The following MACROD2 variants were observed in gnomAD, a reference collection of about 807,000 sequenced individuals.
The protein encoded by MACROD2 is mono-ADP ribosylhydrolase 2.
MACROD2 carries 36 observed loss-of-function variants against 70.4 expected under a neutral mutation model. That is an observed-to-expected ratio of 0.51 (90% CI 0.39 to 0.68). The LOEUF (loss-of-function observed/expected upper bound fraction) is 0.68. MACROD2 is among the 30% of genes least tolerant of loss of function. The pLI is 0.00. For missense variants in MACROD2, 496 were observed against 538.4 expected (o/e 0.92, Z 0.78); for synonymous variants, 172 against 178.8 (o/e 0.96, Z 0.30).
At chr20:15,958,739 G>T (rs190126011) in intron 12 of MACROD2, among the ~76,000 whole-genome samples, 4 of 152,140 alleles carry the variant, frequency 2.6e-5, no homozygotes, top group African/African-American at 9.7e-5. Context: ...ATGGTATTTG[G>T]GGATAGGACC....
At chr20:15,215,511 AATTG>A (rs1236558750) in intron 5 of MACROD2, among the ~76,000 whole-genome samples, 1 of 152,050 alleles carries the variant, frequency 6.6e-6, no homozygotes, top group Non-Finnish European at 1.5e-5. Flanking sequence ...TCTCCCAAGG[AATTG>A]ATTATTTGCA....
rs187285824 is a variant in MACROD2 at position 15,166,166 on chromosome 20, A to G, written c.419-63774A>G. Reference sequence around the variant, plus strand: ...AATGTTCTAAAACCAGATTGGTTGGACAACCCTGTAAATTTCCTAAAAAAT... The same window carrying G: ...AATGTTCTAAAACCAGATTGGTTGGGCAACCCTGTAAATTTCCTAAAAAAT... On this transcript the variant is annotated intron_variant, in intron 5 of 17. Coordinates refer to ENST00000684519, the MANE Select transcript of MACROD2 (RefSeq NM_001351661.2). Among the ~76,000 whole-genome samples the G allele has an allele frequency of 1.9e-3, 292 of 152,302 alleles. 2 individuals carry two copies. The highest frequency in any genetic ancestry group is 0.014 in the Middle Eastern group (4 of 294).
chr20:14,536,984 T>G (rs868786181), intron 4 of MACROD2, among the ~76,000 whole-genome samples: 5 of 152,214 alleles, frequency 3.3e-5, no homozygotes, highest in African/African-American at 9.6e-5. Context: ...CCTGTCTTTG[T>G]GACTGTAGAT....
At chr20:14,417,929 T>C (rs1443288990) in intron 3 of MACROD2, among the ~76,000 whole-genome samples, 1 of 152,198 alleles carries the variant, frequency 6.6e-6, no homozygotes, top group African/African-American at 2.4e-5. Context: ...ATTTTAGAAA[T>C]TATAATAACA....
chr20:15,444,160 C>T (rs1041763989), intron 7 of MACROD2, among the ~76,000 whole-genome samples: 3 of 152,146 alleles, frequency 2.0e-5, no homozygotes, highest in Non-Finnish European at 4.4e-5. Flanking sequence ...TAAATGGAAT[C>T]ATAAACTATG....
At chr20:14,107,670 T>C (rs3909060) in intron 3 of MACROD2, among the ~76,000 whole-genome samples, 151,305 of 152,272 alleles carry the variant, frequency 0.99, 75,180 homozygotes, top group East Asian at 1. Flanking sequence ...AAATGGCACT[T>C]CAGTACATCT....
At chr20:14,733,244 A>G (rs1932945) in intron 5 of MACROD2, among the ~76,000 whole-genome samples, 104,504 of 151,954 alleles carry the variant, frequency 0.69, 36,042 homozygotes, top group South Asian at 0.73. Context: ...ATCTTTTTTG[A>G]CATTGCATAA....
chr20:15,604,597 C>T (rs2048867724), intron 8 of MACROD2, among the ~76,000 whole-genome samples: 1 of 152,146 alleles, frequency 6.6e-6, no homozygotes, highest in South Asian at 2.1e-4. Flanking sequence ...TAAGTGATAC[C>T]ACAGAATTTG....
intron 2 of MACROD2, among the ~76,000 whole-genome samples, chr20:14,044,710 G>C (rs1422068973): frequency 1.3e-5 from 2 of 152,194 alleles, no homozygotes. Context: ...CAATCCCTTA[G>C]CTAGACATAA....
intron 5 of MACROD2, among the ~76,000 whole-genome samples, chr20:14,967,198 G>A (rs1004106854): frequency 4.6e-5 from 7 of 152,088 alleles, no homozygotes; most frequent in African/African-American, 1.7e-4. Flanking sequence ...AGTTTTGTTT[G>A]TTTGTTTGTT....
intron 5 of MACROD2, among the ~76,000 whole-genome samples, chr20:15,045,622 T>C (rs572620573): frequency 2.6e-4 from 40 of 151,554 alleles, no homozygotes; most frequent in African/African-American, 9.4e-4. Flanking sequence ...AAATACAAGA[T>C]CATAACCATG....
chr20:15,247,703 T>G (rs77237709), intron 6 of MACROD2, among the ~76,000 whole-genome samples: 1 of 144,122 alleles, frequency 6.9e-6, no homozygotes, highest in Non-Finnish European at 1.5e-5. Context: ...CTTTGACAGA[T>G]TTTTTTTTTT....
intron 8 of MACROD2, among the ~76,000 whole-genome samples, chr20:15,706,422 C>T (rs1034561242): frequency 4.6e-5 from 7 of 152,160 alleles, no homozygotes; most frequent in African/African-American, 1.7e-4. Context: ...CTTGGTTACG[C>T]ACTGTGAGAA....
chr20:14,087,559 G>A lies in MACROD2; in HGVS notation c.271+1831G>A, dbSNP rs111623365. Among the ~76,000 whole-genome samples, 317 of 152,190 alleles carry A rather than the reference G, an allele frequency of 2.1e-3. 3 individuals carry two copies. Among genetic ancestry groups the A allele is most frequent in the African/African-American group, 7.0e-3 (290 of 41,524 alleles). ...AAATGTAAAAGTCTTCTTGAGAGAGGAGGCTGGGTCATTTAATTGCCACCC... is the reference window on the plus strand; with the variant it reads ...AAATGTAAAAGTCTTCTTGAGAGAGAAGGCTGGGTCATTTAATTGCCACCC... On this transcript the variant is annotated intron_variant, in intron 3 of 17. Transcript: ENST00000684519.
At chr20:15,185,305 T>C (rs1180703265) in intron 5 of MACROD2, among the ~76,000 whole-genome samples, 1 of 152,206 alleles carries the variant, frequency 6.6e-6, no homozygotes, top group Non-Finnish European at 1.5e-5. Flanking sequence ...CATGAGATAA[T>C]ATAATATTCT....
intron 5 of MACROD2, among the ~76,000 whole-genome samples, chr20:14,854,499 T>C (rs182908085): frequency 2.2e-4 from 33 of 152,272 alleles, no homozygotes; most frequent in Admixed American, 6.5e-5. Flanking sequence ...CTGTCTACTT[T>C]GATTCTAGGA....
Position 14,934,272 on chromosome 20 carries a change from A to G in MACROD2, c.418+249313A>G, listed in dbSNP as rs544075631. On this transcript the variant is annotated intron_variant, in intron 5 of 17. Coordinates refer to ENST00000684519, the MANE Select transcript of MACROD2 (RefSeq NM_001351661.2). Reference sequence around the variant, plus strand: ...TGAGACAAGATTTGTATGGAGAGCCATGGGACTATCACCCCTATTCTAGAC... The same window carrying G: ...TGAGACAAGATTTGTATGGAGAGCCGTGGGACTATCACCCCTATTCTAGAC... Among the ~76,000 whole-genome samples, 13 of 152,320 alleles carry G rather than the reference A, an allele frequency of 8.5e-5. No individual in the cohort carries two copies. In the South Asian group the frequency reaches 1.0e-3, roughly 12 times the overall value.
intron 3 of MACROD2, among the ~76,000 whole-genome samples, chr20:14,293,314 G>T (rs1355261259): frequency 6.6e-6 from 1 of 151,758 alleles, no homozygotes; most frequent in African/African-American, 2.4e-5. Context: ...AAATAAATAT[G>T]TAATAACAAT....
At chr20:14,063,874 G>A (rs2053721489) in intron 2 of MACROD2, among the ~76,000 whole-genome samples, 2 of 152,106 alleles carry the variant, frequency 1.3e-5, no homozygotes, top group East Asian at 1.9e-4. Context: ...ACTAAGTTGT[G>A]TACCACCACA....
Sources: allele counts gnomAD v4.1 joint callset (sites outside exome capture counted in the v4.1 genomes callset), GRCh38; gene constraint gnomAD v4.1.1; transcripts MANE v1.5; gene names NCBI Gene and HGNC (gene_info 2026-07-23, HGNC 2026-07-21).